The following HYCC1 variants were observed in gnomAD, a reference collection of about 807,000 sequenced individuals.
HYCC1 encodes hyccin.
At chr7:22,923,604 AAG>A in the HYCC1 span, among the ~76,000 whole-genome samples, 1 of 150,904 alleles carries the variant, frequency 6.6e-6, no homozygotes, top group African/African-American at 2.4e-5. Context: ...ATAAACAAAA[AAG>A]AAGTTTATCT....
At chr7:22,960,514 A>G in the HYCC1 span, 4 of 949,852 alleles carry the variant, frequency 4.2e-6, no homozygotes, top group African/African-American at 6.4e-5. Context: ...GGCTTATACA[A>G]AGAGGCTCTT....
the HYCC1 span, chr7:22,934,532 T>C: frequency 6.6e-6 from 1 of 152,234 alleles, no homozygotes; most frequent in Non-Finnish European, 1.5e-5. Flanking sequence ...TACTTTTGTA[T>C]TGGGAGTCCC....
the HYCC1 span, among the ~76,000 whole-genome samples, chr7:22,972,060 C>T: frequency 1.3e-5 from 2 of 152,184 alleles, no homozygotes; most frequent in South Asian, 2.1e-4. Context: ...ATTGTTGATA[C>T]AGTCATAGCA....
the HYCC1 span, among the ~76,000 whole-genome samples, chr7:23,005,108 TCTA>T: frequency 1.3e-5 from 2 of 152,124 alleles, no homozygotes; most frequent in Non-Finnish European, 2.9e-5. Context: ...CCCGGCCTCT[TCTA>T]CTACTTTCTA....
At chr7:22,945,725 T>C in the HYCC1 span, 7 of 1,613,830 alleles carry the variant, frequency 4.3e-6, no homozygotes, top group Middle Eastern at 1.7e-4. Flanking sequence ...CCTATTGGCA[T>C]CTGTCCCAGC....
At chr7:22,913,603 T>C in the HYCC1 span, among the ~76,000 whole-genome samples, 1 of 152,172 alleles carries the variant, frequency 6.6e-6, no homozygotes, top group Non-Finnish European at 1.5e-5. Flanking sequence ...TCCTGGACAA[T>C]AAGTCTCTGG....
the HYCC1 span, among the ~76,000 whole-genome samples, chr7:22,983,078 C>T: frequency 6.6e-6 from 1 of 152,020 alleles, no homozygotes. Context: ...CTTGTAATCC[C>T]AGCACTTTGG....
At chr7:22,994,964 G>A in the HYCC1 span, among the ~76,000 whole-genome samples, 3 of 152,012 alleles carry the variant, frequency 2.0e-5, no homozygotes, top group Non-Finnish European at 4.4e-5. Context: ...ATACTTCCAT[G>A]GGTCCTCTGG....
At chr7:22,902,671 A>C in the HYCC1 span, among the ~76,000 whole-genome samples, 1 of 152,106 alleles carries the variant, frequency 6.6e-6, no homozygotes, top group African/African-American at 2.4e-5. Context: ...TCAATGGAAA[A>C]AAATATTTTC....
At chr7:22,985,571 T>A in the HYCC1 span, 1 of 152,132 alleles carries the variant, frequency 6.6e-6, no homozygotes, top group East Asian at 1.9e-4. Context: ...AAATGTGGAC[T>A]ATTTGGAAAC....
chr7:23,012,938 G>A, the HYCC1 span, among the ~76,000 whole-genome samples: 1 of 152,170 alleles, frequency 6.6e-6, no homozygotes, highest in African/African-American at 2.4e-5. Context: ...ACTGCCTGTA[G>A]GGCAGTCTCT....
At chr7:22,910,776 G>T in the HYCC1 span, among the ~76,000 whole-genome samples, 4 of 151,622 alleles carry the variant, frequency 2.6e-5, no homozygotes, top group African/African-American at 7.3e-5. Context: ...CATTTTCCCG[G>T]TTTTTTTGGG....
At chr7:22,960,242 T>A in the HYCC1 span, 7 of 1,611,432 alleles carry the variant, frequency 4.3e-6, 1 homozygote. Context: ...CTTGAAGAGT[T>A]ACGTATTTCT....
chr7:22,913,323 C>T, the HYCC1 span, among the ~76,000 whole-genome samples: 2 of 152,244 alleles, frequency 1.3e-5, no homozygotes, highest in South Asian at 4.1e-4. Context: ...GGGTGTGATA[C>T]CAAATGAGGC....
chr7:22,908,603 T>A, the HYCC1 span, among the ~76,000 whole-genome samples: 24,086 of 152,148 alleles, frequency 0.16, 2,071 homozygotes, highest in African/African-American at 0.19. Flanking sequence ...TGATTCTCCA[T>A]CTGACCCTGA....
At chr7:22,989,789 T>C in the HYCC1 span, among the ~76,000 whole-genome samples, 10,731 of 152,216 alleles carry the variant, frequency 0.07, 465 homozygotes, top group Non-Finnish European at 0.098. Flanking sequence ...TGCCCAGCTA[T>C]TCATCAGGAT....
the HYCC1 span, among the ~76,000 whole-genome samples, chr7:22,948,982 G>A: frequency 3.3e-5 from 5 of 151,982 alleles, no homozygotes. Context: ...ATGGCACTGT[G>A]GAGTGACAGC....
At chr7:22,913,274 A>C in the HYCC1 span, among the ~76,000 whole-genome samples, 1 of 152,260 alleles carries the variant, frequency 6.6e-6, no homozygotes, top group East Asian at 1.9e-4. Flanking sequence ...TGTTGAAAAC[A>C]ATAGAGGAAT....
the HYCC1 span, among the ~76,000 whole-genome samples, chr7:22,977,712 C>T: frequency 7.2e-5 from 11 of 152,008 alleles, no homozygotes; most frequent in African/African-American, 2.2e-4. Flanking sequence ...ATTTGCTAAG[C>T]GAAGTAATCA....
Sources: allele counts gnomAD v4.1 joint callset (sites outside exome capture counted in the v4.1 genomes callset), GRCh38; gene constraint gnomAD v4.1.1; transcripts MANE v1.5; gene names NCBI Gene and HGNC (gene_info 2026-07-23, HGNC 2026-07-21).